The following ZNF43 variants were observed in gnomAD, a reference collection of about 807,000 sequenced individuals.
ZNF43 encodes the protein zinc finger protein 43, also known as zinc finger protein 39-like 1 (KOX 27).
A neutral mutation model predicts 68.4 loss-of-function variants in ZNF43; 44 were observed. The ratio of observed to expected loss-of-function variants is 0.64; its 90% CI spans 0.51 to 0.83. The LOEUF (loss-of-function observed/expected upper bound fraction) is 0.83. Ranked by LOEUF, ZNF43 falls within the 40% of genes least tolerant of loss-of-function variation. ZNF43 has a pLI of 0.00. For synonymous variants in ZNF43, 308 were observed against 307.8 expected (o/e 1.00, Z -0.01); for missense variants, 896 against 933.2 (o/e 0.96, Z 0.52).
chr19:21,825,246 C>T (rs2038057812), intron 1 of ZNF43, among the ~76,000 whole-genome samples: 1 of 151,654 alleles, frequency 6.6e-6, no homozygotes, highest in South Asian at 2.1e-4. Context: ...AATCAAACAA[C>T]CCAACCAACC....
intron 1 of ZNF43, among the ~76,000 whole-genome samples, chr19:21,846,108 G>A (rs1478238804): frequency 6.6e-6 from 1 of 152,016 alleles, no homozygotes; most frequent in Non-Finnish European, 1.5e-5. Flanking sequence ...AAGGCCCAGG[G>A]GTATTTCCTA....
chr19:21,818,075 G>A, intron 2 of ZNF43, 89 bp from the exon 3 acceptor site: 4 of 1,322,174 alleles, frequency 3.0e-6, no homozygotes, highest in Non-Finnish European at 4.2e-6. Flanking sequence ...GGGTGTGATA[G>A]AATATCCTAA....
chr19:21,824,046 G>A (rs946578722), intron 1 of ZNF43, among the ~76,000 whole-genome samples: 20 of 152,068 alleles, frequency 1.3e-4, no homozygotes, highest in Admixed American at 9.8e-4. Flanking sequence ...AAAATTAGCC[G>A]GGCGTGGTGA....
intron 3 of ZNF43, among the ~76,000 whole-genome samples, chr19:21,813,952 G>A (rs567229021): frequency 6.6e-6 from 1 of 151,962 alleles, no homozygotes; most frequent in Admixed American, 6.6e-5. Context: ...TTTGTAGAGA[G>A]GGAATCTCCA....
intron 1 of ZNF43, among the ~76,000 whole-genome samples, chr19:21,844,752 C>A (rs1967787872): frequency 6.6e-6 from 1 of 150,868 alleles, no homozygotes; most frequent in South Asian, 2.1e-4. Flanking sequence ...AAAAAACTAG[C>A]CAGGCATGGT....
chr19:21,828,849 C>A (rs10414162), intron 1 of ZNF43, among the ~76,000 whole-genome samples: 1 of 150,994 alleles, frequency 6.6e-6, no homozygotes, highest in African/African-American at 2.4e-5. Flanking sequence ...CTGGCTAACA[C>A]GGTGAAACCC....
chr19:21,810,608 T>C (rs2037228266), intron 3 of ZNF43, among the ~76,000 whole-genome samples: 1 of 152,208 alleles, frequency 6.6e-6, no homozygotes, highest in South Asian at 2.1e-4. Flanking sequence ...AATATTCTTC[T>C]TTGCATCTTG....
rs932506635 is a variant in ZNF43, at chr19:21,805,345, T to A, written c.*2262A>T. 1 of 152,276 alleles carries A rather than the reference T, an allele frequency of 6.6e-6. No individual in the cohort carries two copies. The highest frequency in any genetic ancestry group is 1.5e-5 in the Non-Finnish European group (1 of 68,174). 9.4% of individuals were successfully genotyped at this position (152,276 alleles called of 1,614,324 possible). ...CTGGTGTGATGGTGGACGCCTGTAA[T>A]CCCAGCTATTCGGGAGGCTGAGGCA... is the stretch of plus-strand genomic sequence containing the variant. On this transcript the variant is annotated 3_prime_UTR_variant, in exon 4 of 4. Coordinates refer to ENST00000354959, the MANE Select transcript of ZNF43 (RefSeq NM_003423.4).
At chr19:21,833,057 A>AG (rs1229954153) in intron 1 of ZNF43, among the ~76,000 whole-genome samples, 2 of 152,232 alleles carry the variant, frequency 1.3e-5, no homozygotes, top group Non-Finnish European at 2.9e-5. Context: ...TGTGTAACTC[A>AG]CCACTTATAT....
At position 21,836,031 on chromosome 19, in the gene ZNF43, C is replaced by A. The variant is rs1264309434; in HGVS notation, c.3+5G>T. 3 of 1,614,020 alleles carry A rather than the reference C, an allele frequency of 1.9e-6. No individual in the cohort carries two copies. In the Admixed American group the frequency reaches 5.0e-5, roughly 27 times the overall value. ...CCTCTCGGGATGTCGGACCGGCACT[C>A]TCACCATTTCTAGGCTTCCGGGGGG... On this transcript the variant is annotated splice_donor_5th_base_variant and intron_variant, in intron 1 of 3. Coordinates refer to ENST00000354959, the MANE Select transcript of ZNF43 (RefSeq NM_003423.4).
intron 2 of ZNF43, 46 bp from the exon 3 acceptor site, chr19:21,818,032 C>T: frequency 2.6e-6 from 4 of 1,537,578 alleles, no homozygotes; most frequent in Non-Finnish European, 3.6e-6. Context: ...TCATATTCTC[C>T]CATTATTAAC....
intron 1 of ZNF43, among the ~76,000 whole-genome samples, chr19:21,828,844 T>C (rs1230659856): frequency 6.6e-6 from 1 of 150,860 alleles, no homozygotes; most frequent in Non-Finnish European, 1.5e-5. Flanking sequence ...CCATCCTGGC[T>C]AACACGGTGA....
chr19:21,837,301 T>A (rs1268907642), upstream of ZNF43, among the ~76,000 whole-genome samples: 1 of 151,802 alleles, frequency 6.6e-6, no homozygotes, highest in Non-Finnish European at 1.5e-5. Flanking sequence ...GAATAATAAA[T>A]GGAATCCAGG....
intron 1 of ZNF43, among the ~76,000 whole-genome samples, chr19:21,835,304 GAGA>G (rs1159465857): frequency 2.7e-5 from 4 of 149,326 alleles, no homozygotes; most frequent in East Asian, 2.0e-4. Flanking sequence ...GTGAATTGCG[GAGA>G]AGAAGGTGGC....
At chr19:21,824,274 AAAAT>A (rs2145257943) in intron 1 of ZNF43, among the ~76,000 whole-genome samples, 1 of 152,262 alleles carries the variant, frequency 6.6e-6, no homozygotes, top group African/African-American at 2.4e-5. Context: ...AAAAAAGACA[AAAAT>A]ACCCTACTCC....
chr19:21,819,260 T>G (rs1453436262), intron 1 of ZNF43, 39 bp from the exon 2 acceptor site: 2 of 1,515,848 alleles, frequency 1.3e-6, no homozygotes, highest in Non-Finnish European at 1.8e-6. Flanking sequence ...ACACACACAT[T>G]TACCAAGTGG....
At chr19:21,831,074 C>G (rs779648007) in intron 1 of ZNF43, among the ~76,000 whole-genome samples, 1 of 152,128 alleles carries the variant, frequency 6.6e-6, no homozygotes, top group Non-Finnish European at 1.5e-5. Context: ...AAACCCTCAA[C>G]GAACTAGGCA....
At chr19:21,811,757 G>C (rs929878017) in intron 3 of ZNF43, among the ~76,000 whole-genome samples, 1 of 151,836 alleles carries the variant, frequency 6.6e-6, no homozygotes, top group African/African-American at 2.4e-5. Flanking sequence ...GGAAGCAATA[G>C]AAAAAAATCT....
intron 1 of ZNF43, among the ~76,000 whole-genome samples, chr19:21,819,745 TA>T (rs2037706683): frequency 6.6e-6 from 1 of 152,170 alleles, no homozygotes; most frequent in Non-Finnish European, 1.5e-5. Context: ...AAACATCCAG[TA>T]AATGGAAAAG....
Sources: gnomAD v4.1 joint callset for allele counts (sites outside exome capture counted in the v4.1 genomes callset) on GRCh38, gnomAD v4.1.1 for gene constraint, MANE v1.5 for transcripts, NCBI Gene and HGNC (gene_info 2026-07-23, HGNC 2026-07-21) for gene names.